Variants in TTLL8 observed in about 807,000 individuals in gnomAD.
TTLL8 encodes the protein tubulin tyrosine ligase like 8, also known as protein monoglycylase TTLL8.
In TTLL8, 65 loss-of-function variants were observed where a neutral mutation model predicts 77.8. The observed-to-expected ratio is 0.84, with a 90% CI of 0.68 to 1.03. The LOEUF (loss-of-function observed/expected upper bound fraction) is 1.03. TTLL8 is among the 50% of genes least tolerant of loss of function. TTLL8 has a pLI of 0.00. For missense variants in TTLL8, 910 were observed against 1,004.5 expected (o/e 0.91, Z 1.27); for synonymous variants, 402 against 422.8 (o/e 0.95, Z 0.60).
rs117236529 is a variant in TTLL8 at position 50,025,717 on chromosome 22, T to C, written c.2203+4713A>G. Among the ~76,000 whole-genome samples, 297 of 152,236 alleles carry C rather than the reference T, an allele frequency of 2.0e-3. 10 individuals are homozygous for C. The East Asian group carries it at 0.021, about 11-fold the overall frequency. ...AACTAACCAAAGGCAAGCAACCTAA[T>C]TTTACAATAGGAAAAAGACTTAGTA... On this transcript the variant is annotated intron_variant, in intron 12 of 13. Coordinates refer to ENST00000266182, the Ensembl canonical transcript of TTLL8.
At chr22:50,047,324 C>T (rs760170358) in intron 3 of TTLL8, 28 bp from the exon 6 acceptor site, 25 of 1,365,060 alleles carry the variant, frequency 1.8e-5, no homozygotes, top group Non-Finnish European at 2.4e-5. Context: ...TTTATTGATG[C>T]CCAGCATTCA....
intron 4 of TTLL8, among the ~76,000 whole-genome samples, chr22:50,046,334 G>A (rs1031776213): frequency 6.6e-6 from 1 of 152,250 alleles, no homozygotes; most frequent in African/African-American, 2.4e-5. Flanking sequence ...GACCCCAGGA[G>A]AGGGAGGAGC....
chr22:50,035,305 TG>T (rs2146658331), intron 8 of TTLL8, among the ~76,000 whole-genome samples: 1 of 152,192 alleles, frequency 6.6e-6, no homozygotes, highest in South Asian at 2.1e-4. Context: ...CGGCCTGGGC[TG>T]GGGTGGGGAA....
chr22:50,021,238 A>C (rs540743279), intron 12 of TTLL8, among the ~76,000 whole-genome samples: 1 of 105,722 alleles, frequency 9.5e-6, no homozygotes. Flanking sequence ...CCTCCATCTG[A>C]CGACATGTAC....
chr22:50,021,735 C>T (rs1293866829), intron 12 of TTLL8, among the ~76,000 whole-genome samples: 1 of 135,202 alleles, frequency 7.4e-6, no homozygotes, highest in Non-Finnish European at 1.6e-5. Context: ...ATCTGACGTG[C>T]ACTCCTCCAT....
At chr22:50,019,096 C>CGATA (rs2061181275) in intron 12 of TTLL8, among the ~76,000 whole-genome samples, 1 of 152,114 alleles carries the variant, frequency 6.6e-6, no homozygotes, top group Non-Finnish European at 1.5e-5. Context: ...GCTTCAAAGT[C>CGATA]GATATATTGC....
At chr22:50,055,209 C>A (rs76127602), upstream of TTLL8, 1 of 1,284,218 alleles carries the variant, frequency 7.8e-7, no homozygotes. Context: ...GTCCCCCTCC[C>A]CACCGAGTCC....
intron 12 of TTLL8, among the ~76,000 whole-genome samples, chr22:50,028,442 G>A (rs1396783911): frequency 2.6e-5 from 4 of 152,204 alleles, no homozygotes; most frequent in South Asian, 2.1e-4. Flanking sequence ...TGTGCCCTGC[G>A]GGCCATAGCC....
chr22:50,024,400 C>T (rs1326644028), intron 12 of TTLL8, among the ~76,000 whole-genome samples: 1 of 152,154 alleles, frequency 6.6e-6, no homozygotes, highest in African/African-American at 2.4e-5. Context: ...GCTGGGGTTA[C>T]AGGTGTGAGC....
chr22:50,037,533 A>G (rs969795863), intron 8 of TTLL8, among the ~76,000 whole-genome samples: 1 of 152,152 alleles, frequency 6.6e-6, no homozygotes, highest in Middle Eastern at 3.2e-3. Flanking sequence ...CCTTTCACAT[A>G]TATGATATAT....
chr22:50,050,336 G>T, intron 1 of TTLL8, 89 bp from the exon 4 acceptor site: 1 of 968,608 alleles, frequency 1.0e-6, no homozygotes, highest in African/African-American at 1.7e-5. Flanking sequence ...TGTTAGTGCT[G>T]GTTTCTGAGA....
chr22:50,047,089 C>T (rs965760846), intron 4 of TTLL8, 79 bp downstream of exon 6: 49 of 1,317,888 alleles, frequency 3.7e-5, no homozygotes, highest in Non-Finnish European at 4.3e-5. Flanking sequence ...GACCAGCCAC[C>T]GAGGGTCCCT....
intron 12 of TTLL8, among the ~76,000 whole-genome samples, chr22:50,029,553 A>T (rs904561095): frequency 2.0e-5 from 3 of 151,468 alleles, no homozygotes; most frequent in African/African-American, 7.3e-5. Flanking sequence ...ATCCTGACTA[A>T]CACGGTGAAA....
intron 8 of TTLL8, among the ~76,000 whole-genome samples, chr22:50,037,549 T>A (rs979810145): frequency 2.6e-5 from 4 of 152,320 alleles, no homozygotes; most frequent in African/African-American, 9.6e-5. Flanking sequence ...TATATCAAAC[T>A]AATTTTTGTG....
chr22:50,035,900 G>T (rs2061332873), intron 8 of TTLL8, among the ~76,000 whole-genome samples: 1 of 152,242 alleles, frequency 6.6e-6, no homozygotes, highest in African/African-American at 2.4e-5. Flanking sequence ...TGGTATTTGG[G>T]CAGGACCACT....
exon 3 of TTLL8, chr22:50,049,314 A>G (rs1429012545): frequency 7.3e-7 from 1 of 1,367,572 alleles, no homozygotes; most frequent in South Asian, 1.1e-5. Context: ...ACTTTGGCAC[A>G]TGTATCATCT....
At chr22:50,023,814 T>G (rs1230373875) in intron 12 of TTLL8, among the ~76,000 whole-genome samples, 1 of 151,460 alleles carries the variant, frequency 6.6e-6, no homozygotes, top group Admixed American at 6.6e-5. Context: ...AGGTCAGGAG[T>G]TCGAGACCAG....
Position 50,027,336 on chromosome 22 carries a change from C to T in TTLL8, c.2203+3094G>A, listed in dbSNP as rs1251507629. 1.3e-5 allele frequency among the ~76,000 whole-genome samples: 2 copies of T among 151,326 alleles called. 1 individual carries two copies. The highest frequency in any genetic ancestry group is 1.3e-4 in the Admixed American group (2 of 15,172). On this transcript the variant is annotated intron_variant, in intron 12 of 13. Transcript: ENST00000266182. The stretch of plus-strand genomic sequence containing the variant: ...ATTGCCTGAGCTTAGGAGTTTCCAA[C>T]CAGCCTGGCCAACATGGTGAAACTC...
upstream of TTLL8, among the ~76,000 whole-genome samples, chr22:50,057,527 C>G (rs73183361): frequency 2.0e-5 from 1 of 49,096 alleles, no homozygotes; most frequent in Non-Finnish European, 3.6e-5. Flanking sequence ...GGGGTCAGGT[C>G]TGGGTTGAGC....
Sources: gnomAD v4.1 joint callset for allele counts (sites outside exome capture counted in the v4.1 genomes callset) on GRCh38, gnomAD v4.1.1 for gene constraint, MANE v1.5 for transcripts, NCBI Gene and HGNC (gene_info 2026-07-23, HGNC 2026-07-21) for gene names.